Variants in KHDRBS2 observed in about 807,000 individuals in gnomAD.
The protein encoded by KHDRBS2 is KH domain-containing, RNA-binding, signal transduction-associated protein 2.
Under a neutral mutation model 44.3 loss-of-function variants are expected in KHDRBS2, and 26 were observed. The observed-to-expected ratio is 0.59, with a 90% confidence interval of 0.43 to 0.81. The LOEUF is 0.81. Among genes scored for constraint, KHDRBS2 ranks in the 40% least tolerant of loss-of-function variants. The probability of loss-of-function intolerance (pLI) is 0.00; values close to 1 mark genes in which losing one functional copy is unlikely to be tolerated. For missense variants in KHDRBS2, 476 were observed against 433.1 expected (o/e 1.10, Z -0.88); for synonymous variants, 194 against 151.1 (o/e 1.28, Z -2.08).
At chr6:62,126,937 C>T (rs1199958709) in intron 2 of KHDRBS2, among the ~76,000 whole-genome samples, 2 of 152,134 alleles carry the variant, frequency 1.3e-5, no homozygotes, top group Non-Finnish European at 2.9e-5. Flanking sequence ...CTTTTAGTAG[C>T]TTGAGTTATT....
At chr6:62,200,286 G>C (rs1006671585) in intron 1 of KHDRBS2, among the ~76,000 whole-genome samples, 1 of 152,144 alleles carries the variant, frequency 6.6e-6, no homozygotes, top group African/African-American at 2.4e-5. Flanking sequence ...ACTACCATCA[G>C]AGTGAACAGG....
chr6:62,005,726 T>C (rs1426217716), intron 3 of KHDRBS2, among the ~76,000 whole-genome samples: 2 of 151,744 alleles, frequency 1.3e-5, no homozygotes, highest in Non-Finnish European at 2.9e-5. Context: ...AATATATTTA[T>C]AAAGTTCTAA....
At chr6:62,068,609 C>T (rs533130279) in intron 2 of KHDRBS2, among the ~76,000 whole-genome samples, 1 of 151,498 alleles carries the variant, frequency 6.6e-6, no homozygotes, top group African/African-American at 2.4e-5. Context: ...TGATTTCCTA[C>T]AAGAATCATA....
chr6:61,554,587 G>T, the KHDRBS2 span, among the ~76,000 whole-genome samples: 1 of 152,078 alleles, frequency 6.6e-6, no homozygotes, highest in African/African-American at 2.4e-5. Flanking sequence ...ATATTTTTGT[G>T]TGGTTTCTTT....
intron 2 of KHDRBS2, among the ~76,000 whole-genome samples, chr6:62,070,036 C>T (rs1358024198): frequency 6.6e-6 from 1 of 151,396 alleles, no homozygotes; most frequent in South Asian, 2.1e-4. Flanking sequence ...TAATTTTTGT[C>T]AGACACTTTT....
At chr6:62,240,076 T>C (rs1417437917) in intron 1 of KHDRBS2, among the ~76,000 whole-genome samples, 1 of 152,182 alleles carries the variant, frequency 6.6e-6, no homozygotes, top group Non-Finnish European at 1.5e-5. Context: ...TTCCCATATA[T>C]CACACACCAG....
intron 1 of KHDRBS2, among the ~76,000 whole-genome samples, chr6:62,198,549 C>T (rs1337921402): frequency 1.3e-5 from 2 of 152,108 alleles, no homozygotes; most frequent in Non-Finnish European, 2.9e-5. Context: ...GAAGTTGAAT[C>T]TCTTGAATAG....
At chr6:61,809,643 C>T (rs1787782091) in intron 6 of KHDRBS2, among the ~76,000 whole-genome samples, 1 of 152,052 alleles carries the variant, frequency 6.6e-6, no homozygotes, top group Non-Finnish European at 1.5e-5. Flanking sequence ...CTTTGCAAAC[C>T]AATGTCAGGT....
intron 3 of KHDRBS2, among the ~76,000 whole-genome samples, chr6:62,038,100 G>T (rs1785676138): frequency 6.6e-6 from 1 of 151,972 alleles, no homozygotes; most frequent in Non-Finnish European, 1.5e-5. Flanking sequence ...AATGCCTCGT[G>T]ATCAGCATCC....
intron 8 of KHDRBS2, among the ~76,000 whole-genome samples, chr6:61,690,834 A>G (rs1285417911): frequency 6.6e-6 from 1 of 152,064 alleles, no homozygotes; most frequent in East Asian, 1.9e-4. Flanking sequence ...GAAAAAATAA[A>G]AGGGCTTCAA....
chr6:61,866,324 G>A (rs1471030378), intron 6 of KHDRBS2, among the ~76,000 whole-genome samples: 2 of 152,200 alleles, frequency 1.3e-5, no homozygotes, highest in African/African-American at 4.8e-5. Flanking sequence ...TCAACACCAC[G>A]TGGAAGCTGC....
At chr6:62,110,090 G>A (rs1804653062) in intron 2 of KHDRBS2, among the ~76,000 whole-genome samples, 1 of 151,830 alleles carries the variant, frequency 6.6e-6, no homozygotes, top group Non-Finnish European at 1.5e-5. Flanking sequence ...CAAGGCCCAG[G>A]AAGGAAGAAA....
chr6:61,644,564 A>G, the KHDRBS2 span, among the ~76,000 whole-genome samples: 1 of 152,182 alleles, frequency 6.6e-6, no homozygotes, highest in Non-Finnish European at 1.5e-5. Context: ...GTGCTCTGAC[A>G]AAGGTCTAAT....
chr6:61,617,980 G>A, the KHDRBS2 span, among the ~76,000 whole-genome samples: 1 of 151,766 alleles, frequency 6.6e-6, no homozygotes, highest in Non-Finnish European at 1.5e-5. Context: ...AGAATAATTT[G>A]CCATTTATTT....
At chr6:61,606,285 C>A in the KHDRBS2 span, among the ~76,000 whole-genome samples, 2 of 152,298 alleles carry the variant, frequency 1.3e-5, no homozygotes, top group Non-Finnish European at 2.9e-5. Context: ...GTAAGAAATT[C>A]TTACCCTTCT....
intron 2 of KHDRBS2, among the ~76,000 whole-genome samples, chr6:62,134,885 T>A (rs1332784051): frequency 6.6e-6 from 1 of 152,192 alleles, no homozygotes; most frequent in Non-Finnish European, 1.5e-5. Context: ...TGTACTCCCA[T>A]TGTATCTAGG....
At chr6:62,250,032 A>G (rs1397779710) in intron 1 of KHDRBS2, among the ~76,000 whole-genome samples, 1 of 152,092 alleles carries the variant, frequency 6.6e-6, no homozygotes, top group African/African-American at 2.4e-5. Flanking sequence ...GAATTAAATT[A>G]CAGAAAAATA....
intron 2 of KHDRBS2, among the ~76,000 whole-genome samples, chr6:62,089,910 A>G (rs943398246): frequency 6.6e-6 from 1 of 152,186 alleles, no homozygotes; most frequent in African/African-American, 2.4e-5. Context: ...GAATAAAGCC[A>G]CAGATAAGGG....
intron 2 of KHDRBS2, among the ~76,000 whole-genome samples, chr6:62,167,984 C>A (rs1819062013): frequency 6.6e-6 from 1 of 152,094 alleles, no homozygotes; most frequent in Non-Finnish European, 1.5e-5. Context: ...GAAGGAAACG[C>A]ACACTCTGTG....
Sources: gnomAD v4.1 joint callset for allele counts (sites outside exome capture counted in the v4.1 genomes callset) on GRCh38, gnomAD v4.1.1 for gene constraint, MANE v1.5 for transcripts, NCBI Gene and HGNC (gene_info 2026-07-23, HGNC 2026-07-21) for gene names.